The following ZNF516 variants were observed in gnomAD, a reference collection of about 807,000 sequenced individuals.
ZNF516 encodes the protein zinc finger protein 516.
ZNF516 carries 19 observed loss-of-function variants against 79.7 expected under a neutral mutation model. That is an observed-to-expected ratio of 0.24 (90% confidence interval 0.17 to 0.35). The LOEUF (loss-of-function observed/expected upper bound fraction) is 0.35, where lower values mean the gene tolerates loss of function less well. Ranked by LOEUF, ZNF516 falls within the 10% of genes least tolerant of loss-of-function variation. The pLI is 1.00. For synonymous variants in ZNF516, 877 were observed against 739.5 expected, an observed-to-expected ratio of 1.19 and a Z score of -3.02; for missense variants, 1,678 against 1,679.5, an observed-to-expected ratio of 1.00 and a Z score of 0.02.
chr18:76,379,463 C>A lies in ZNF516; in HGVS notation c.2651G>T (p.Gly884Val). The change falls in exon 4 of 7, where the codon GGG becomes GTG. Residue 884 changes from glycine (G) to valine (V), a missense_variant. Transcript: ENST00000443185. The stretch of plus-strand genomic sequence containing the variant: ...GTGACAAGGTTTGGTCTGTCGATAC[C>A]CGTCAGGGCCGGGCGCCCACAGAGC... ...PCALWAPGPD[G>V]YRQTKPCHGQ... 1.2e-6 allele frequency: 2 copies of A among 1,613,578 alleles called. No homozygotes were observed. Among genetic ancestry groups the A allele is most frequent in the South Asian group, 2.2e-5 (2 of 91,090 alleles).
chr18:76,449,870 C>T (rs1912286622), intron 2 of ZNF516, among the ~76,000 whole-genome samples: 2 of 152,140 alleles, frequency 1.3e-5, no homozygotes, highest in Admixed American at 1.3e-4. Flanking sequence ...TCACTGGGCC[C>T]TTATGGTTTA....
intron 1 of ZNF516, among the ~76,000 whole-genome samples, chr18:76,464,981 T>C (rs1372708864): frequency 2.0e-5 from 3 of 152,076 alleles, no homozygotes; most frequent in African/African-American, 7.2e-5. Flanking sequence ...GTGCATCCGA[T>C]GAGGGCAGCT....
At chr18:76,494,709 G>A (rs1915409185) in intron 1 of ZNF516, among the ~76,000 whole-genome samples, 1 of 151,868 alleles carries the variant, frequency 6.6e-6, no homozygotes, top group South Asian at 2.1e-4. Context: ...TTCATTAGCC[G>A]GAGCGTTTTA....
At chr18:76,484,873 C>T (rs1473420417) in intron 1 of ZNF516, among the ~76,000 whole-genome samples, 1 of 152,150 alleles carries the variant, frequency 6.6e-6, no homozygotes, top group African/African-American at 2.4e-5. Flanking sequence ...AACTGATAAG[C>T]CAATCTTCCT....
Position 76,358,751 on chromosome 18 carries a change from G to A in ZNF516, c.*3747C>T, listed in dbSNP as rs2074491134. On this transcript the variant is annotated 3_prime_UTR_variant, in exon 7 of 7. Coordinates refer to ENST00000443185, the MANE Select transcript of ZNF516 (RefSeq NM_014643.4). Reference sequence around the variant, plus strand: ...GCTTGGAAACCTCTGAGAATTTGCTGGGGGTGGCAGAGGAGGGTTTGTCTA... The same window carrying A: ...GCTTGGAAACCTCTGAGAATTTGCTAGGGGTGGCAGAGGAGGGTTTGTCTA... 1 of 152,192 alleles carries A rather than the reference G, an allele frequency of 6.6e-6. No individual in the cohort carries two copies. Among genetic ancestry groups the A allele is most frequent in the Non-Finnish European group, 1.5e-5 (1 of 68,048 alleles). 9.4% of individuals were successfully genotyped at this position (152,192 alleles called of 1,614,324 possible).
intron 3 of ZNF516, among the ~76,000 whole-genome samples, chr18:76,401,429 T>C (rs147112642): frequency 1.6e-3 from 241 of 152,320 alleles, no homozygotes; most frequent in Non-Finnish European, 2.7e-3. Flanking sequence ...CAGGAGCTCG[T>C]TGACCAAGCT....
chr18:76,417,438 T>C (rs1301239779), intron 3 of ZNF516, among the ~76,000 whole-genome samples: 1 of 152,254 alleles, frequency 6.6e-6, no homozygotes, highest in African/African-American at 2.4e-5. Context: ...ACTTTTGGTT[T>C]TTAACCAAAG....
At chr18:76,469,781 A>G (rs1913717893) in intron 1 of ZNF516, among the ~76,000 whole-genome samples, 1 of 152,248 alleles carries the variant, frequency 6.6e-6, no homozygotes, top group African/African-American at 2.4e-5. Flanking sequence ...ACTAATATTC[A>G]TTAATTATAA....
At chr18:76,477,527 C>T (rs1337694863) in intron 1 of ZNF516, among the ~76,000 whole-genome samples, 1 of 152,162 alleles carries the variant, frequency 6.6e-6, no homozygotes, top group Non-Finnish European at 1.5e-5. Flanking sequence ...AGGCGAGATT[C>T]GTTCTGTCCG....
Position 76,459,944 on chromosome 18 carries a change from C to A in ZNF516, c.-158+3084G>T, listed in dbSNP as rs1912996644. On this transcript the variant is annotated intron_variant, in intron 2 of 6. Coordinates refer to ENST00000443185, the MANE Select transcript of ZNF516 (RefSeq NM_014643.4). This position sits in a 1 kb window ranked among gnomAD's most constrained non-coding sequence, Gnocchi z 5.0. ...ATCGGGCAGGTCTGTCTCACCAGTC[C>A]CAAATAATGAATCATGTCCACTGCA... 6.6e-6 allele frequency among the ~76,000 whole-genome samples: 1 copy of A among 152,144 alleles called. No individual in the cohort carries two copies. The highest frequency in any genetic ancestry group is 6.5e-5 in the Admixed American group (1 of 15,282).
chr18:76,420,867 A>G (rs1482431021), intron 3 of ZNF516, among the ~76,000 whole-genome samples: 4 of 152,248 alleles, frequency 2.6e-5, no homozygotes, highest in Admixed American at 2.0e-4. Context: ...TTCATCCACA[A>G]TATCAATAAG....
rs569479817 is a variant in ZNF516, at chr18:76,379,958, G to A, written c.2156C>T (p.Ser719Phe). The A allele has an allele frequency of 6.2e-7, 1 of 1,613,888 alleles. No individual in the cohort carries two copies. The highest frequency in any genetic ancestry group is 1.3e-5 in the African/African-American group (1 of 74,924). Residue 719 changes from serine to phenylalanine, a missense_variant, in exon 4 of 7, where the codon TCT becomes TTT. Physicochemically the swap from Ser to Phe is radical, Grantham distance 155. Around this residue, in one of 5 missense-constraint regions of ZNF516, gnomAD observed 1,294 missense variants for 1,248.3 expected, o/e 1.04. Transcript: ENST00000443185. ...KLSDLHNKEH[S>F]GGGKRALAPD... is the part of the protein sequence containing the mutation. Reference sequence around the variant, plus strand: ...GGCCAGCGCCCGCTTCCCTCCCCCAGAGTGTTCCTTGTTGTGCAAATCGGA... The same window carrying A: ...GGCCAGCGCCCGCTTCCCTCCCCCAAAGTGTTCCTTGTTGTGCAAATCGGA...
intron 6 of ZNF516, 109 bp from the exon 7 acceptor site, chr18:76,362,666 G>A: frequency 8.7e-7 from 1 of 1,155,526 alleles, no homozygotes; most frequent in Non-Finnish European, 1.2e-6. Context: ...CACAAACAAT[G>A]ACCTTCACAA....
At chr18:76,440,194 C>T (rs1466031398) in intron 3 of ZNF516, among the ~76,000 whole-genome samples, 2 of 112,856 alleles carry the variant, frequency 1.8e-5, no homozygotes, top group Admixed American at 9.3e-5. Flanking sequence ...GTAACAGACC[C>T]TCACATAACA....
At chr18:76,479,867 G>C (rs1297409472) in intron 1 of ZNF516, among the ~76,000 whole-genome samples, 1 of 152,222 alleles carries the variant, frequency 6.6e-6, no homozygotes. Flanking sequence ...ACTTGGGACA[G>C]GGCCTGAGGT....
At chr18:76,420,155 C>T (rs1431232975) in intron 3 of ZNF516, among the ~76,000 whole-genome samples, 4 of 152,246 alleles carry the variant, frequency 2.6e-5, no homozygotes, top group African/African-American at 9.6e-5. Flanking sequence ...ACTGCTCTTA[C>T]ATCTGCAGTA....
At chr18:76,407,997 C>T (rs192128807) in intron 3 of ZNF516, among the ~76,000 whole-genome samples, 1 of 152,352 alleles carries the variant, frequency 6.6e-6, no homozygotes, top group Admixed American at 6.5e-5. Flanking sequence ...TGGTGCAGCC[C>T]GCGCTGCTTC....
At chr18:76,446,104 T>C (rs1403566103) in intron 2 of ZNF516, among the ~76,000 whole-genome samples, 2 of 141,878 alleles carry the variant, frequency 1.4e-5, no homozygotes, top group African/African-American at 4.9e-5. Flanking sequence ...ACCAGCCACA[T>C]GCCTTTCTAG....
chr18:76,376,456 A>G (rs1317707974), intron 4 of ZNF516, among the ~76,000 whole-genome samples: 1 of 152,184 alleles, frequency 6.6e-6, no homozygotes, highest in Non-Finnish European at 1.5e-5. Context: ...AGAAGAATAA[A>G]TAACCCAAGA....
Sources: allele counts gnomAD v4.1 joint callset (sites outside exome capture counted in the v4.1 genomes callset), GRCh38; gene constraint gnomAD v4.1.1; regional missense constraint gnomAD v4.1.1; non-coding constraint Gnocchi (gnomAD v3.1); transcripts MANE v1.5; gene names NCBI Gene and HGNC (gene_info 2026-07-23, HGNC 2026-07-21).